The following ALX4 variants were observed in gnomAD, a reference collection of about 807,000 sequenced individuals.
The protein encoded by ALX4 is ALX homeobox 4, also known as homeobox protein aristaless-like 4.
A neutral mutation model predicts 40.6 loss-of-function variants in ALX4; 22 were observed. The ratio of observed to expected loss-of-function variants is 0.54; its 90% confidence interval spans 0.39 to 0.77. The LOEUF (loss-of-function observed/expected upper bound fraction) is 0.77, where lower values mean the gene tolerates loss of function less well. Among genes scored for constraint, ALX4 ranks in the 30% least tolerant of loss-of-function variants. The pLI is 0.00. For synonymous variants in ALX4, 266 were observed against 240.5 expected, an observed-to-expected ratio of 1.11 and a Z score of -0.98; for missense variants, 556 against 564.8, an observed-to-expected ratio of 0.98 and a Z score of 0.16.
chr11:44,264,644 C>T lies in ALX4; in HGVS notation c.*210G>A, dbSNP rs1165890942. ...TGTGGCCGGGAGCAGGGGTCAGGGC[C>T]TCAGTGCCAGGGAGGGGCCAGGGGC... On this transcript the variant is annotated 3_prime_UTR_variant, in exon 4 of 4. Transcript: ENST00000652299. The T allele has an allele frequency of 6.5e-6, 4 of 615,496 alleles. No individual in the cohort carries two copies. The highest frequency in any genetic ancestry group is 2.0e-5 in the South Asian group (1 of 49,900). 38.1% of individuals were successfully genotyped at this position (615,496 alleles called of 1,614,324 possible). A position where few individuals can be genotyped will look rare whatever the true frequency, so the allele number is the denominator to read the frequency against.
rs771444101 is a variant in ALX4 at position 44,267,552 on chromosome 11, G to T, written c.848C>A (p.Thr283Asn). The change falls in exon 3 of 4, where the codon ACC becomes AAC. Residue 283 changes from threonine to asparagine, a missense_variant. Thr to Asn is a moderately conservative substitution (Grantham distance 65, BLOSUM62 0). Transcript: ENST00000652299. Reference sequence around the variant, plus strand: ...CAGCTCATATGCAGTGGAGAAGTGGGTTCGAACCTGCTGCATCTGCCCAAA... The same window carrying T: ...CAGCTCATATGCAGTGGAGAAGTGGTTTCGAACCTGCTGCATCTGCCCAAA... ...ERFGQMQQVRTHFSTAYELPL... is the reference protein window; with the variant it reads ...ERFGQMQQVRNHFSTAYELPL... 2.4e-5 allele frequency: 38 copies of T among 1,614,040 alleles called. No individual in the cohort carries two copies. The East Asian group carries it at 8.2e-4, about 35-fold the overall frequency.
intron 1 of ALX4, among the ~76,000 whole-genome samples, chr11:44,289,569 G>A (rs2119847314): frequency 6.6e-6 from 1 of 152,310 alleles, no homozygotes; most frequent in East Asian, 1.9e-4. Flanking sequence ...TCAAGGTGGT[G>A]ATGAGTTATC....
At chr11:44,281,620 G>C (rs186364262) in intron 1 of ALX4, among the ~76,000 whole-genome samples, 126 of 151,898 alleles carry the variant, frequency 8.3e-4, no homozygotes, top group African/African-American at 2.4e-3. Flanking sequence ...CCAGCATGAG[G>C]CCCTTTCATG....
chr11:44,281,503 A>G (rs1038073708), intron 1 of ALX4, among the ~76,000 whole-genome samples: 1 of 151,788 alleles, frequency 6.6e-6, no homozygotes, highest in Non-Finnish European at 1.5e-5. Context: ...TCCTCCAAAC[A>G]TCTGCTTTGT....
At chr11:44,293,331 C>A (rs1956383799) in intron 1 of ALX4, among the ~76,000 whole-genome samples, 1 of 152,084 alleles carries the variant, frequency 6.6e-6, no homozygotes, top group African/African-American at 2.4e-5. Flanking sequence ...GTAATCCCAG[C>A]ACTTTGGGAG....
At chr11:44,301,633 C>CT (rs1385453393) in intron 1 of ALX4, among the ~76,000 whole-genome samples, 1 of 152,216 alleles carries the variant, frequency 6.6e-6, no homozygotes, top group Non-Finnish European at 1.5e-5. Context: ...GTGCAACTTA[C>CT]TGGACTTATT....
intron 1 of ALX4, among the ~76,000 whole-genome samples, chr11:44,276,015 T>C (rs1234883722): frequency 2.0e-5 from 3 of 152,202 alleles, no homozygotes; most frequent in Non-Finnish European, 4.4e-5. Context: ...ATCAGGACTT[T>C]TCTGGGGCCC....
chr11:44,297,727 A>G (rs201964377), intron 1 of ALX4, among the ~76,000 whole-genome samples: 1 of 542 alleles, frequency 1.8e-3, no homozygotes, highest in South Asian at 0.036. Flanking sequence ...AAAAATAATA[A>G]AATAAAATAA....
intron 1 of ALX4, among the ~76,000 whole-genome samples, chr11:44,289,328 C>T (rs1956356695): frequency 6.6e-6 from 1 of 152,196 alleles, no homozygotes; most frequent in South Asian, 2.1e-4. Flanking sequence ...GACAGGAGCT[C>T]TCCAACCAGG....
intron 1 of ALX4, among the ~76,000 whole-genome samples, chr11:44,295,390 T>C (rs565784444): frequency 6.6e-6 from 1 of 152,238 alleles, no homozygotes; most frequent in Non-Finnish European, 1.5e-5. Flanking sequence ...ATGAACAGTT[T>C]CCATGATTTT....
chr11:44,292,368 G>A (rs531081651), intron 1 of ALX4, among the ~76,000 whole-genome samples: 201 of 144,016 alleles, frequency 1.4e-3, no homozygotes, highest in Non-Finnish European at 2.6e-3. Context: ...ATCACAGCTG[G>A]CTAATTAAAT....
At chr11:44,305,650 G>C (rs1274400358) in intron 1 of ALX4, among the ~76,000 whole-genome samples, 1 of 152,192 alleles carries the variant, frequency 6.6e-6, no homozygotes, top group African/African-American at 2.4e-5. Context: ...TCGGTGCAGG[G>C]GAAATAAATA....
intron 1 of ALX4, among the ~76,000 whole-genome samples, chr11:44,280,180 GAAGA>G (rs1175999224): frequency 1.3e-5 from 2 of 152,222 alleles, no homozygotes; most frequent in Non-Finnish European, 2.9e-5. Context: ...AGACAGGAGA[GAAGA>G]AAGACCCAGA....
intron 1 of ALX4, among the ~76,000 whole-genome samples, chr11:44,287,611 G>GA (rs1956346695): frequency 6.9e-6 from 1 of 145,740 alleles, no homozygotes; most frequent in Non-Finnish European, 1.5e-5. Flanking sequence ...AAAAAGAAAA[G>GA]AAAAGAAAAG....
At chr11:44,296,528 A>G (rs1201388573) in intron 1 of ALX4, among the ~76,000 whole-genome samples, 2 of 152,264 alleles carry the variant, frequency 1.3e-5, no homozygotes, top group African/African-American at 2.4e-5. Flanking sequence ...GACAATCCAT[A>G]GAATGAGAAG....
intron 2 of ALX4, among the ~76,000 whole-genome samples, chr11:44,273,946 C>A (rs935481696): frequency 6.6e-6 from 1 of 151,994 alleles, no homozygotes; most frequent in African/African-American, 2.4e-5. Context: ...GAGAGAGACC[C>A]AGTCTCTTTA....
At chr11:44,294,828 CTATT>C (rs60988016) in intron 1 of ALX4, among the ~76,000 whole-genome samples, 61,617 of 147,990 alleles carry the variant, frequency 0.42, 13,747 homozygotes, top group South Asian at 0.72. Flanking sequence ...AGATCCTTAC[CTATT>C]TATTTATTTA....
At chr11:44,280,703 T>C (rs1406389852) in intron 1 of ALX4, among the ~76,000 whole-genome samples, 2 of 152,250 alleles carry the variant, frequency 1.3e-5, no homozygotes, top group African/African-American at 4.8e-5. Context: ...CTGAGAGCAA[T>C]GCCTGCTCCA....
chr11:44,277,030 C>T (rs910589399), intron 1 of ALX4, among the ~76,000 whole-genome samples: 1 of 152,116 alleles, frequency 6.6e-6, no homozygotes, highest in African/African-American at 2.4e-5. Context: ...ATCCTATGGC[C>T]ATGACTCCCC....
Sources: gnomAD v4.1 joint callset for allele counts (sites outside exome capture counted in the v4.1 genomes callset) on GRCh38, gnomAD v4.1.1 for gene constraint, MANE v1.5 for transcripts, NCBI Gene and HGNC (gene_info 2026-07-23, HGNC 2026-07-21) for gene names.